Variants in BICRAL observed in about 807,000 individuals in gnomAD.
BICRAL encodes the protein BICRA like chromatin remodeling complex associated protein, also known as BRD4-interacting chromatin-remodeling complex-associated protein-like.
Under a neutral mutation model 91.8 loss-of-function variants are expected in BICRAL, and 8 were observed. That is an observed-to-expected ratio of 0.09 (90% CI 0.05 to 0.16). The LOEUF (loss-of-function observed/expected upper bound fraction) is 0.16. BICRAL is among the 10% of genes least tolerant of loss of function. The pLI, the probability that BICRAL is intolerant of heterozygous loss-of-function variation, is 1.00. For missense variants in BICRAL, 1,038 were observed against 1,310.9 expected (o/e 0.79, Z 3.21); for synonymous variants, 445 against 491.1 (o/e 0.91, Z 1.24).
At chr6:42,771,492 C>A (rs1008125490) in intron 1 of BICRAL, among the ~76,000 whole-genome samples, 1 of 22,332 alleles carries the variant, frequency 4.5e-5, no homozygotes, top group African/African-American at 1.8e-4. Context: ...GTGGGGGTGG[C>A]GGGGGGTGGT....
At chr6:42,798,319 A>G (rs1763470874) in intron 1 of BICRAL, among the ~76,000 whole-genome samples, 1 of 152,120 alleles carries the variant, frequency 6.6e-6, no homozygotes, top group Non-Finnish European at 1.5e-5. Flanking sequence ...AAATATGCAC[A>G]TGTACTCTCT....
chr6:42,828,006 A>G (rs1005365888), intron 5 of BICRAL, among the ~76,000 whole-genome samples: 1 of 152,218 alleles, frequency 6.6e-6, no homozygotes, highest in African/African-American at 2.4e-5. Context: ...AGCATGATGG[A>G]TGCATATACT....
rs140218127 is a variant in BICRAL, at chr6:42,860,639, A to G, written c.2349+283A>G. On this transcript the variant is annotated intron_variant, in intron 11 of 12. Coordinates refer to ENST00000314073, the MANE Select transcript of BICRAL (RefSeq NM_001393499.1). ...AGATGGCTAAGAAGTTTGCAGAGTA[A>G]TTAGCAGAGCTCGGATACGAGCCAG... 1.3e-3 allele frequency among the ~76,000 whole-genome samples: 203 copies of G among 152,338 alleles called. 2 individuals are homozygous for G. The highest frequency in any genetic ancestry group is 0.011 in the Admixed American group (166 of 15,280).
At position 42,862,380 on chromosome 6, in the gene BICRAL, GA is replaced by G. The variant is rs753948294; in HGVS notation, c.2350-127del. 231 of 679,992 alleles carry G rather than the reference GA, an allele frequency of 3.4e-4. 1 individual carries two copies. The highest frequency in any genetic ancestry group is 5.3e-4 in the Non-Finnish European group (202 of 377,758). The allele number at this position is 679,992 out of a possible 1,614,324, so 42.1% of individuals were successfully genotyped here. A position where few individuals can be genotyped will look rare whatever the true frequency, so the allele number is the denominator to read the frequency against. On this transcript the variant is annotated intron_variant, in intron 11 of 12. Coordinates refer to ENST00000314073, the MANE Select transcript of BICRAL (RefSeq NM_001393499.1). ...TGGGTGCACACCAGGGAGAGGCAAA[GA>G]AAGGAGGCTCACTTTTCACATGCCC...
In BICRAL at chr6:42,864,995, C is replaced by T. The variant is rs564201366; in HGVS notation, c.2789C>T (p.Ala930Val). The T allele has an allele frequency of 2.5e-6, 4 of 1,614,054 alleles. No homozygotes were observed. The African/African-American group carries it at 4.0e-5, about 16-fold the overall frequency. ...GCCAGCCGGAGAGAGCCTCTGAAGG[C>T]CAGTCAGTGCTCTCCCGGCCCTGAG... ...EKASRREPLKASQCSPGPEGH... is the reference protein window; with the variant it reads ...EKASRREPLKVSQCSPGPEGH... Residue 930 changes from alanine to valine, a missense_variant, in exon 13 of 13, where the codon GCC (alanine) becomes GTC (valine). Around this residue, in one of 5 missense-constraint regions of BICRAL, gnomAD observed 294 missense variants for 292.6 expected, o/e 1.00. Transcript: ENST00000314073.
At chr6:42,750,253 C>T (rs1432177525) in intron 1 of BICRAL, among the ~76,000 whole-genome samples, 1 of 152,026 alleles carries the variant, frequency 6.6e-6, no homozygotes, top group Non-Finnish European at 1.5e-5. Context: ...CTTGACCTCC[C>T]AGGCTGAAGT....
intron 10 of BICRAL, among the ~76,000 whole-genome samples, chr6:42,857,614 A>AAAAAAATAATAT: frequency 3.1e-5 from 3 of 96,242 alleles, no homozygotes; most frequent in Non-Finnish European, 5.6e-5. Flanking sequence ...AAAAAAAAAA[A>AAAAAAATAATAT]ATATATATAT....
chr6:42,789,779 C>T (rs1456819234), intron 1 of BICRAL, among the ~76,000 whole-genome samples: 3 of 152,008 alleles, frequency 2.0e-5, no homozygotes, highest in Non-Finnish European at 4.4e-5. Flanking sequence ...TATCATGGTA[C>T]CAAGCTTGAG....
At chr6:42,822,398 G>C (rs1348922832) in intron 3 of BICRAL, among the ~76,000 whole-genome samples, 10 of 150,534 alleles carry the variant, frequency 6.6e-5, no homozygotes, top group Non-Finnish European at 1.5e-4. Flanking sequence ...ACACCACCAT[G>C]CCTGGCTAAT....
chr6:42,792,934 G>T (rs1763315685), intron 1 of BICRAL, among the ~76,000 whole-genome samples: 1 of 150,652 alleles, frequency 6.6e-6, no homozygotes, highest in Non-Finnish European at 1.5e-5. Flanking sequence ...AAAAAAAGGA[G>T]AAAGAAATTG....
Position 42,844,234 on chromosome 6 carries a change from T to G in BICRAL, c.1840-7858T>G, listed in dbSNP as rs114466771. ...TTAGGCTAAGAAAAGAGGATGGGCT[T>G]GGCACGGTGGCTCACGCCTGTAATC... On this transcript the variant is annotated intron_variant, in intron 6 of 12. Coordinates refer to ENST00000314073, the MANE Select transcript of BICRAL (RefSeq NM_001393499.1). 7.3e-3 allele frequency among the ~76,000 whole-genome samples: 1,082 copies of G among 148,476 alleles called. 8 individuals carry two copies. The highest frequency in any genetic ancestry group is 0.024 in the African/African-American group (957 of 40,552).
At chr6:42,803,051 T>G (rs1763621498) in intron 1 of BICRAL, among the ~76,000 whole-genome samples, 1 of 152,334 alleles carries the variant, frequency 6.6e-6, no homozygotes, top group Middle Eastern at 3.4e-3. Context: ...GTATACTCAC[T>G]AGACCTTAAA....
intron 8 of BICRAL, among the ~76,000 whole-genome samples, chr6:42,854,059 G>A (rs971890216): frequency 1.4e-4 from 22 of 152,110 alleles, no homozygotes; most frequent in Admixed American, 7.2e-4. Context: ...AGGTGATATC[G>A]TTCACTATTA....
At chr6:42,854,301 T>G (rs1043923184) in intron 8 of BICRAL, among the ~76,000 whole-genome samples, 16 of 152,130 alleles carry the variant, frequency 1.1e-4, no homozygotes, top group Non-Finnish European at 2.4e-4. Context: ...CAGGCTCAGG[T>G]GACCCTCCTG....
intron 2 of BICRAL, among the ~76,000 whole-genome samples, chr6:42,817,759 C>T (rs1456415656): frequency 6.6e-6 from 1 of 151,906 alleles, no homozygotes; most frequent in Admixed American, 6.6e-5. Flanking sequence ...GTTTTGCCGT[C>T]CTTTGTTAAA....
At chr6:42,759,816 G>C (rs1043691888) in intron 1 of BICRAL, among the ~76,000 whole-genome samples, 3 of 152,182 alleles carry the variant, frequency 2.0e-5, no homozygotes, top group African/African-American at 7.2e-5. Flanking sequence ...GATTATGAGT[G>C]TGTGAAGTCA....
At position 42,760,101 on chromosome 6, in the gene BICRAL, C is replaced by T. The variant is rs528876324; in HGVS notation, c.-261+13078C>T. On this transcript the variant is annotated intron_variant, in intron 1 of 14. Transcript: ENST00000614467. Reference sequence around the variant, plus strand: ...CTGTACTAAAAATGCAAAAATTAGCCAGGCATGATGGTGCACACCTGTAAT... The same window carrying T: ...CTGTACTAAAAATGCAAAAATTAGCTAGGCATGATGGTGCACACCTGTAAT... Among the ~76,000 whole-genome samples the T allele has an allele frequency of 1.0e-3, 153 of 150,508 alleles. 1 individual carries two copies. Among genetic ancestry groups the T allele is most frequent in the Middle Eastern group, 7.1e-3 (2 of 280 alleles).
At chr6:42,805,161 C>G (rs937191661) in intron 1 of BICRAL, among the ~76,000 whole-genome samples, 2 of 152,166 alleles carry the variant, frequency 1.3e-5, no homozygotes, top group Non-Finnish European at 2.9e-5. Flanking sequence ...TCACAGAGAT[C>G]AGATCCAAAT....
intron 1 of BICRAL, among the ~76,000 whole-genome samples, chr6:42,794,411 CTGTGTGTGTGTGTGTGTGTGTG>C (rs67384767): frequency 3.4e-5 from 5 of 146,418 alleles, no homozygotes; most frequent in African/African-American, 1.2e-4. Context: ...TTCACTTACT[CTGTGTGTGTGTGTGTGTGTGTG>C]TGTGTGTGTG....
Sources: allele counts gnomAD v4.1 joint callset (sites outside exome capture counted in the v4.1 genomes callset), GRCh38; gene constraint gnomAD v4.1.1; regional missense constraint gnomAD v4.1.1; transcripts MANE v1.5; gene names NCBI Gene and HGNC (gene_info 2026-07-23, HGNC 2026-07-21).